ANKRD18A: variants seen among roughly 807,000 people sequenced by gnomAD.
ANKRD18A encodes the protein ankyrin repeat domain 18A.
Under a neutral mutation model 110.6 loss-of-function variants are expected in ANKRD18A, and 72 were observed. The observed-to-expected ratio is 0.65, with a 90% confidence interval of 0.54 to 0.79. The LOEUF is 0.79. ANKRD18A is among the 30% of genes least tolerant of loss of function. The probability of loss-of-function intolerance (pLI) is 0.00; values close to 1 mark genes in which losing one functional copy is unlikely to be tolerated. For synonymous variants in ANKRD18A, 305 were observed against 410.3 expected (o/e 0.74, Z 3.10); for missense variants, 934 against 1,163.3 (o/e 0.80, Z 2.87).
chr9:38,597,854 A>T (rs1378588527), intron 8 of ANKRD18A, among the ~76,000 whole-genome samples: 1 of 152,216 alleles, frequency 6.6e-6, no homozygotes, highest in African/African-American at 2.4e-5. Flanking sequence ...ATATGATAAA[A>T]TCATACATGT....
intron 13 of ANKRD18A, 144 bp from the exon 14 acceptor site, chr9:38,577,408 A>G: frequency 6.2e-6 from 5 of 807,978 alleles, no homozygotes; most frequent in South Asian, 2.1e-5. Context: ...TTTATCAGCA[A>G]TATCAACAAA....
At chr9:38,619,396 A>G (rs186487831) in intron 1 of ANKRD18A, among the ~76,000 whole-genome samples, 1 of 152,194 alleles carries the variant, frequency 6.6e-6, no homozygotes, top group East Asian at 1.9e-4. Context: ...GTGTTTTTGG[A>G]TTTCCTGTTC....
rs944337965 is a variant in ANKRD18A, at chr9:38,620,339, G to T, written c.-54C>A. 1.5e-5 allele frequency: 23 copies of T among 1,519,486 alleles called. No homozygotes were observed. Among genetic ancestry groups the T allele is most frequent in the East Asian group, 2.5e-5 (1 of 40,248 alleles). 94.1% of individuals were successfully genotyped at this position (1,519,486 alleles called of 1,614,324 possible). A position where few individuals can be genotyped will look rare whatever the true frequency, so the allele number is the denominator to read the frequency against. On this transcript the variant is annotated 5_prime_UTR_variant, in exon 1 of 16. Transcript: ENST00000399703. The stretch of plus-strand genomic sequence containing the variant: ...CGCTCCTGAGCCGCGGCGGCTCCTC[G>T]TGGCCTTTCCACCCCCACTCCGCCC...
rs1429615243 is a variant in ANKRD18A at position 38,611,218 on chromosome 9, T to C, written c.599A>G (p.Lys200Arg). The C allele has an allele frequency of 2.0e-6, 3 of 1,528,676 alleles. No homozygotes were observed. 94.7% of individuals were successfully genotyped at this position (1,528,676 alleles called of 1,614,324 possible). The change falls in exon 4 of 16, where the codon AAA becomes AGA. Residue 200 changes from lysine to arginine, a missense_variant. Transcript: ENST00000399703. ...QANIHAVDNF[K>R]RTALILAVQH... ...CAAAAAACAAAAACTATTGCACCTT[T>C]TGAAATTGTCAACGGCATGTATATT...
At chr9:38,616,896 T>C (rs1255074556) in intron 1 of ANKRD18A, among the ~76,000 whole-genome samples, 2 of 152,232 alleles carry the variant, frequency 1.3e-5, no homozygotes, top group Non-Finnish European at 2.9e-5. Flanking sequence ...TTATAATTCA[T>C]AATTTTTATA....
chr9:38,607,319 A>G (rs1231323790), intron 6 of ANKRD18A, 107 bp downstream of exon 6: 6 of 885,034 alleles, frequency 6.8e-6, no homozygotes, highest in Non-Finnish European at 9.4e-6. Flanking sequence ...GGCCTCCCAA[A>G]GTGCTGGGAT....
chr9:38,581,118 T>G (rs1824142390), intron 12 of ANKRD18A, among the ~76,000 whole-genome samples: 1 of 152,184 alleles, frequency 6.6e-6, no homozygotes, highest in South Asian at 2.1e-4. Context: ...ATAAATGTTT[T>G]TCTTTTAAGC....
Position 38,620,258 on chromosome 9 carries a change from G to T in ANKRD18A, c.28C>A (p.Arg10Ser), listed in dbSNP as rs1193709079. 1 of 1,551,174 alleles carries T rather than the reference G, an allele frequency of 6.4e-7. No homozygotes were observed. Among genetic ancestry groups the T allele is most frequent in the Non-Finnish European group, 8.7e-7 (1 of 1,146,780 alleles). The change falls in exon 1 of 16, where the codon CGC becomes AGC. Residue 10 changes from arginine to serine, a missense_variant. This residue lies in a region of ANKRD18A where 630 missense variants were observed against 797.5 expected (regional missense o/e 0.79). Transcript: ENST00000399703. MRKLFSFGR[R>S]LGQALLSSMD... ...GAGCTCAGGAGCGCCTGGCCCAGGC[G>T]TCTCCCGAAGCTGAAGAGCTTCCTC...
chr9:38,596,032 A>T lies in ANKRD18A; in HGVS notation c.1308T>A (p.Ile436=). ...CTAGTTCTAGGTCTTTTCTTTCCACAATTTCATTGTACTCATTTATAGCAG... is the reference window on the plus strand; with the variant it reads ...CTAGTTCTAGGTCTTTTCTTTCCACTATTTCATTGTACTCATTTATAGCAG... The part of the protein sequence containing the change: ...LATAINEYNE[I]VERKDLELVL... The change falls in exon 9 of 16, where the codon ATT becomes ATA. Residue 436 remains isoleucine (I), a synonymous_variant. Coordinates refer to ENST00000399703, the MANE Select transcript of ANKRD18A (RefSeq NM_147195.4). The T allele has an allele frequency of 3.9e-6, 6 of 1,550,046 alleles. No individual in the cohort carries two copies. The highest frequency in any genetic ancestry group is 8.7e-7 in the Non-Finnish European group (1 of 1,146,368).
intron 12 of ANKRD18A, among the ~76,000 whole-genome samples, chr9:38,583,101 A>G (rs934142937): frequency 6.6e-5 from 10 of 152,254 alleles, no homozygotes; most frequent in Non-Finnish European, 1.3e-4. Context: ...AATGTAAATC[A>G]AAACCACCTT....
chr9:38,577,289 T>C, intron 13 of ANKRD18A, 25 bp from the exon 14 acceptor site: 2 of 1,504,698 alleles, frequency 1.3e-6, no homozygotes, highest in Admixed American at 5.0e-5. Context: ...AAGAATACAC[T>C]TTTAAAACAA....
intron 3 of ANKRD18A, among the ~76,000 whole-genome samples, chr9:38,613,484 C>G (rs1229313926): frequency 6.6e-6 from 1 of 152,026 alleles, no homozygotes; most frequent in Non-Finnish European, 1.5e-5. Context: ...TAAAAAAACT[C>G]AGGCCCTGAT....
At chr9:38,585,746 C>T (rs534496951) in intron 12 of ANKRD18A, among the ~76,000 whole-genome samples, 6 of 152,088 alleles carry the variant, frequency 3.9e-5, no homozygotes, top group Non-Finnish European at 8.8e-5. Flanking sequence ...ATAGCAAAGA[C>T]ATGGAATCAA....
At chr9:38,596,917 C>T (rs949347452) in intron 8 of ANKRD18A, among the ~76,000 whole-genome samples, 1 of 152,118 alleles carries the variant, frequency 6.6e-6, no homozygotes, top group Non-Finnish European at 1.5e-5. Context: ...ATTACATTTA[C>T]TAAATCATAA....
chr9:38,611,766 A>G (rs905460690), intron 3 of ANKRD18A, among the ~76,000 whole-genome samples: 3 of 152,238 alleles, frequency 2.0e-5, no homozygotes. Context: ...TTCTTAAACT[A>G]TATTTCAAAG....
chr9:38,594,240 A>G (rs1824776150), intron 9 of ANKRD18A, among the ~76,000 whole-genome samples: 1 of 152,130 alleles, frequency 6.6e-6, no homozygotes, highest in Non-Finnish European at 1.5e-5. Context: ...TAAAATTCCA[A>G]CGGCCTTCAA....
At position 38,595,603 on chromosome 9, in the gene ANKRD18A, G is replaced by A. The variant is rs1396621644; in HGVS notation, c.1737C>T (p.Asp579=). The A allele has an allele frequency of 2.6e-6, 4 of 1,550,700 alleles. No homozygotes were observed. The highest frequency in any genetic ancestry group is 2.6e-6 in the Non-Finnish European group (3 of 1,146,510). ...GATCTTCCTTTCCATTCTCAAGACAGTCTCTGTGGATATTAATGACTATCT... is the reference window on the plus strand; with the variant it reads ...GATCTTCCTTTCCATTCTCAAGACAATCTCTGTGGATATTAATGACTATCT... The part of the protein sequence containing the change: ...NKEIVINIHR[D]CLENGKEDLL... Residue 579 remains aspartate, a synonymous_variant, in exon 9 of 16, where the codon GAC becomes GAT. Coordinates refer to ENST00000399703, the MANE Select transcript of ANKRD18A (RefSeq NM_147195.4).
Position 38,605,790 on chromosome 9 carries a change from T to A in ANKRD18A, c.808+1636A>T, listed in dbSNP as rs139770403. Among the ~76,000 whole-genome samples the A allele has an allele frequency of 6.9e-3, 1,045 of 152,244 alleles. 12 individuals carry two copies. The highest frequency in any genetic ancestry group is 0.023 in the African/African-American group (968 of 41,546). On this transcript the variant is annotated intron_variant, in intron 6 of 15. Transcript: ENST00000399703. ...CCCCATGCCTGGCTAATTTTTGTAC[T>A]TTTAGTAGAGATAGGGTTTCACCAT...
intron 7 of ANKRD18A, among the ~76,000 whole-genome samples, chr9:38,601,567 T>C (rs937608354): frequency 1.3e-5 from 2 of 152,188 alleles, no homozygotes; most frequent in African/African-American, 4.8e-5. Flanking sequence ...TTTAACAACA[T>C]GCTAAGCACG....
Sources: gnomAD v4.1 joint callset for allele counts (sites outside exome capture counted in the v4.1 genomes callset) on GRCh38, gnomAD v4.1.1 for gene constraint, gnomAD v4.1.1 regional missense constraint, MANE v1.5 for transcripts, NCBI Gene and HGNC (gene_info 2026-07-23, HGNC 2026-07-21) for gene names.